The following PVRIG variants were observed in gnomAD, a reference collection of about 807,000 sequenced individuals.
PVRIG encodes the protein PVR related immunoglobulin domain containing, also known as transmembrane protein PVRIG.
In PVRIG, 16 loss-of-function variants were observed where a neutral mutation model predicts 21.9. The observed-to-expected ratio is 0.73, with a 90% CI of 0.50 to 1.11. PVRIG has a LOEUF of 1.11. Ranked by LOEUF, PVRIG falls within the 50% of genes most tolerant of loss-of-function variation. The pLI, the probability that PVRIG is intolerant of heterozygous loss-of-function variation, is 0.00. For missense variants in PVRIG, 435 were observed against 445.7 expected, an observed-to-expected ratio of 0.98 and a Z score of 0.22; for synonymous variants, 190 against 181.0, an observed-to-expected ratio of 1.05 and a Z score of -0.40.
At chr7:100,219,658 A>AG in intron 1 of PVRIG, 3 of 560,524 alleles carry the variant, frequency 5.4e-6, no homozygotes, top group Non-Finnish European at 9.6e-6. Context: ...TGTCCAGGGA[A>AG]GGGGAGTCCT....
exon 1 of PVRIG, chr7:100,219,310 C>T (rs1803044287): frequency 6.3e-6 from 1 of 157,724 alleles, no homozygotes; most frequent in Non-Finnish European, 1.4e-5. Flanking sequence ...GGAAGAGGCA[C>T]TGGTGGCTGT....
exon 6 of PVRIG, chr7:100,221,408 TGTGA>T (rs1803248485): frequency 3.7e-6 from 2 of 544,734 alleles, no homozygotes; most frequent in Non-Finnish European, 6.3e-6. Flanking sequence ...TGGGCACAGG[TGTGA>T]GTGTGTGAGT....
In PVRIG at chr7:100,220,822, T is replaced by C; in HGVS notation, c.657+2T>C. ...CAGGCACCGAGAGCACGAGCATGGG[T>C]GAGGAGGGGACCTGCTTTGGGGATG... On this transcript the variant is annotated splice_donor_variant, in intron 5 of 5. Coordinates refer to ENST00000317271, the Ensembl canonical transcript of PVRIG. LOFTEE classifies it high-confidence loss of function. 6.2e-7 allele frequency: 1 copy of C among 1,603,658 alleles called. No individual in the cohort carries two copies. Among genetic ancestry groups the C allele is most frequent in the Non-Finnish European group, 8.5e-7 (1 of 1,178,182 alleles).
In PVRIG at chr7:100,221,096, TC is replaced by T. The variant is rs1415565298; in HGVS notation, c.828del (p.Thr277HisfsTer47). On this transcript the variant is annotated frameshift_variant, in exon 6 of 6. Coordinates refer to ENST00000317271, the Ensembl canonical transcript of PVRIG. LOFTEE classifies it low-confidence loss of function (END_TRUNC). The stretch of plus-strand genomic sequence containing the variant: ...GCCCCAGGGCCCTGCCGCCTGGGCC[TC>T]CACACCCATCCCTGCACGTGGCAGC... 1 of 1,613,864 alleles carries T rather than the reference TC, an allele frequency of 6.2e-7. No individual in the cohort carries two copies. The highest frequency in any genetic ancestry group is 8.5e-7 in the Non-Finnish European group (1 of 1,179,996).
chr7:100,221,412 AGT>A, exon 6 of PVRIG: 1 of 543,710 alleles, frequency 1.8e-6, no homozygotes. Flanking sequence ...CACAGGTGTG[AGT>A]GTGTGAGTGA....
chr7:100,220,338 T>G (rs1309812179), exon 3 of PVRIG: 2 of 1,558,302 alleles, frequency 1.3e-6, no homozygotes, highest in South Asian at 2.3e-5. Flanking sequence ...GAGCAGCATC[T>G]CTCTCATCCT....
At chr7:100,220,621 C>T in exon 4 of PVRIG, 1 of 1,611,746 alleles carries the variant, frequency 6.2e-7, no homozygotes. Flanking sequence ...CTCAGGAGTC[C>T]TCCTCTTTGG....
At chr7:100,219,490 G>A (rs534463142) in intron 1 of PVRIG, 20 of 256,834 alleles carry the variant, frequency 7.8e-5, no homozygotes, top group Non-Finnish European at 1.1e-4. Context: ...AGGTGTAAGC[G>A]TGGGACCCAC....
chr7:100,220,869 G>GGGCAGT, intron 5 of PVRIG, 49 bp downstream of exon 4: 1 of 1,601,356 alleles, frequency 6.2e-7, no homozygotes, highest in South Asian at 1.1e-5. Flanking sequence ...GCAGGGGCAG[G>GGGCAGT]GGGGCCAGGG....
In PVRIG at chr7:100,220,390, T is replaced by C. The variant is rs1033070095; in HGVS notation, c.395T>C (p.Phe132Ser). 4 of 1,586,984 alleles carry C rather than the reference T, an allele frequency of 2.5e-6. No homozygotes were observed. The African/African-American group carries it at 4.0e-5, about 16-fold the overall frequency. Residue 132 changes from phenylalanine to serine, a missense_variant, in exon 3 of 6, where the codon TTC becomes TCC. Phe to Ser is a radical substitution (Grantham distance 155). Coordinates refer to ENST00000317271, the Ensembl canonical transcript of PVRIG. ...AGCAGCCCCTGCGCCAACACCACCTTCTGCTGCAAGTTTGCGTCCTTCCCT... is the reference window on the plus strand; with the variant it reads ...AGCAGCCCCTGCGCCAACACCACCTCCTGCTGCAAGTTTGCGTCCTTCCCT...
chr7:100,220,524 C>G, intron 3 of PVRIG, 23 bp from the exon 3 acceptor site: 1 of 1,611,304 alleles, frequency 6.2e-7, no homozygotes, highest in Non-Finnish European at 8.5e-7. Context: ...GGCCACCCAT[C>G]TGATTCTTGT....
chr7:100,219,946 C>T lies in PVRIG; in HGVS notation c.36C>T (p.Pro12=), dbSNP rs1310014112. Residue 12 remains proline (P), a synonymous_variant, in exon 2 of 6, where the codon CCC becomes CCT. Coordinates refer to ENST00000317271, the Ensembl canonical transcript of PVRIG. ...AGGCACAGGTGCCGGCCCTGCAGCC[C>T]CCAGAACCTGGACTGGAGGGGGCCA... is the stretch of plus-strand genomic sequence containing the variant. 3 of 1,554,106 alleles carry T rather than the reference C, an allele frequency of 1.9e-6. No individual in the cohort carries two copies. In the South Asian group the frequency reaches 3.6e-5, roughly 18 times the overall value.
chr7:100,220,326 C>G, exon 3 of PVRIG: 1 of 1,556,878 alleles, frequency 6.4e-7, no homozygotes, highest in Non-Finnish European at 8.7e-7. Flanking sequence ...CTGGGAAACC[C>G]AGAGCAGCAT....
At chr7:100,220,800 G>C (rs774785734) in exon 5 of PVRIG, 3 of 1,606,090 alleles carry the variant, frequency 1.9e-6, no homozygotes, top group South Asian at 2.2e-5. Flanking sequence ...CAGCCCCCAG[G>C]CACCGAGAGC....
chr7:100,219,961 G>A lies in PVRIG; in HGVS notation c.51G>A (p.Leu17=), dbSNP rs373982410. 5.2e-5 allele frequency: 81 copies of A among 1,570,400 alleles called. 1 individual carries two copies. The African/African-American group carries it at 9.3e-4, about 18-fold the overall frequency. Residue 17 remains leucine (L), a synonymous_variant, in exon 2 of 6, where the codon CTG becomes CTA. Transcript: ENST00000317271. ...CCCTGCAGCCCCCAGAACCTGGACT[G>A]GAGGGGGCCATGGGGCACCGGACCC...
exon 5 of PVRIG, chr7:100,220,819 G>C (rs1803186561): frequency 6.2e-7 from 1 of 1,607,190 alleles, no homozygotes; most frequent in African/African-American, 1.3e-5. Context: ...GCACGAGCAT[G>C]GGTGAGGAGG....
At chr7:100,221,122 C>G in exon 6 of PVRIG, 8 of 1,613,946 alleles carry the variant, frequency 5.0e-6, no homozygotes, top group Non-Finnish European at 6.8e-6. Context: ...CACGTGGCAG[C>G]TTTGTCTCTG....
chr7:100,219,741 C>T (rs1803081249), exon 2 of PVRIG: 1 of 661,044 alleles, frequency 1.5e-6, no homozygotes, highest in African/African-American at 1.8e-5. Context: ...TCTCACCCAC[C>T]TGTGCCGCCC....
Position 100,220,043 on chromosome 7 carries a change from CAG to C in PVRIG, c.118+20_118+21del, listed in dbSNP as rs764376338. Reference sequence around the variant, plus strand: ...TGTCACTGCGGGTGAGTGCCGGCACCAGAGAGGGGCAGGGGCTGCAGGGAGGG... The same window carrying C: ...TGTCACTGCGGGTGAGTGCCGGCACCAGAGGGGCAGGGGCTGCAGGGAGGG... On this transcript the variant is annotated intron_variant, in intron 2 of 5. Transcript: ENST00000317271. The C allele has an allele frequency of 4.4e-5, 70 of 1,604,474 alleles. 1 individual carries two copies. In the South Asian group the frequency reaches 5.0e-4, roughly 12 times the overall value.
Sources: gnomAD v4.1 joint callset for allele counts on GRCh38, gnomAD v4.1.1 for gene constraint, MANE v1.5 for transcripts, NCBI Gene and HGNC (gene_info 2026-07-23, HGNC 2026-07-21) for gene names.